RXRA: variants seen among roughly 807,000 people sequenced by gnomAD.
RXRA encodes the protein retinoid X receptor alpha, also known as retinoic acid receptor RXR-alpha.
RXRA carries 5 observed loss-of-function variants against 44.5 expected under a neutral mutation model. The ratio of observed to expected loss-of-function variants is 0.11; its 90% confidence interval spans 0.06 to 0.24. RXRA has a LOEUF of 0.24. RXRA is among the 10% of genes least tolerant of loss of function. RXRA has a pLI of 1.00. For missense variants in RXRA, 412 were observed against 646.5 expected (o/e 0.64, Z 3.93); for synonymous variants, 291 against 271.4 (o/e 1.07, Z -0.71).
chr9:134,385,070 C>T (rs947584236), intron 1 of RXRA, among the ~76,000 whole-genome samples: 25 of 152,320 alleles, frequency 1.6e-4, no homozygotes, highest in African/African-American at 4.6e-4. Flanking sequence ...GCTACCCCTG[C>T]GCAGCCTTCC....
In RXRA at chr9:134,406,989, T is replaced by C. The variant is rs376817146; in HGVS notation, c.280-1160T>C. 3.3e-5 allele frequency among the ~76,000 whole-genome samples: 5 copies of C among 152,306 alleles called. No homozygotes were observed. The East Asian group carries it at 5.8e-4, about 18-fold the overall frequency. On this transcript the variant is annotated intron_variant, in intron 2 of 9. Transcript: ENST00000481739. Reference sequence around the variant, plus strand: ...ACCCGCTTCTCCAGTGGGAGCTTCATGGCACCCCCACTGTGCTGAGTTGTC... The same window carrying C: ...ACCCGCTTCTCCAGTGGGAGCTTCACGGCACCCCCACTGTGCTGAGTTGTC...
intron 6 of RXRA, chr9:134,422,171 C>T (rs1414019706): frequency 7.7e-7 from 1 of 1,293,950 alleles, no homozygotes; most frequent in Non-Finnish European, 1.0e-6. Flanking sequence ...GACACACTTC[C>T]CCCTCCTGGG....
At chr9:134,429,893 T>C (rs1428443078) in intron 7 of RXRA, among the ~76,000 whole-genome samples, 2 of 145,964 alleles carry the variant, frequency 1.4e-5, no homozygotes, top group Non-Finnish European at 3.0e-5. Flanking sequence ...CTGCACAGCC[T>C]TTTTTTTTTT....
chr9:134,434,234 C>T, intron 9 of RXRA, 27 bp downstream of exon 9: 1 of 1,535,056 alleles, frequency 6.5e-7, no homozygotes, highest in Non-Finnish European at 9.0e-7. Context: ...CCCACACACA[C>T]CCCAGACCCA....
At chr9:134,392,122 A>G (rs766690164) in intron 1 of RXRA, among the ~76,000 whole-genome samples, 80 of 152,160 alleles carry the variant, frequency 5.3e-4, no homozygotes, top group Non-Finnish European at 9.4e-4. Context: ...TCCATTTTGC[A>G]GAGGGGGAGG....
intron 1 of RXRA, among the ~76,000 whole-genome samples, chr9:134,333,655 G>GC (rs1256303804): frequency 1.3e-5 from 2 of 152,208 alleles, no homozygotes; most frequent in African/African-American, 4.8e-5. Context: ...GCTTCCTGGT[G>GC]CTGCAGCCCA....
chr9:134,408,980 C>A lies in RXRA; in HGVS notation c.471C>A (p.Gly157=). 6.2e-7 allele frequency: 1 copy of A among 1,607,192 alleles called. No homozygotes were observed. The highest frequency in any genetic ancestry group is 8.5e-7 in the Non-Finnish European group (1 of 1,176,652). The change falls in exon 4 of 10, where the codon GGC becomes GGA. Residue 157 remains glycine, a synonymous_variant. Transcript: ENST00000481739. ...YGVYSCEGCK[G]FFKRTVRKDL... is the part of the protein sequence containing the mutation. ...TGTACAGCTGCGAGGGGTGCAAGGG[C>A]TTCTTCAAGCGGACGGTGCGCAAGG...
At position 134,365,474 on chromosome 9, in the gene RXRA, A is replaced by T. The variant is rs1588266555; in HGVS notation, c.29-36158A>T. On this transcript the variant is annotated intron_variant, in intron 1 of 9. Coordinates refer to ENST00000481739, the MANE Select transcript of RXRA (RefSeq NM_002957.6). This position sits in a 1 kb window ranked among gnomAD's most constrained non-coding sequence, Gnocchi z 4.0. ...TCTTGGCTGATGTGTGGGTTTGCTC[A>T]TGGGGTGGACCAGGCCGCTGCCCCT... 6.6e-6 allele frequency among the ~76,000 whole-genome samples: 1 copy of T among 152,044 alleles called. No individual in the cohort carries two copies. The highest frequency in any genetic ancestry group is 1.9e-4 in the East Asian group (1 of 5,174).
chr9:134,333,469 G>A lies in RXRA; in HGVS notation c.28+6810G>A, dbSNP rs1386434295. 3.3e-5 allele frequency among the ~76,000 whole-genome samples: 5 copies of A among 152,234 alleles called. No individual in the cohort carries two copies. In the South Asian group the frequency reaches 6.2e-4, roughly 19 times the overall value. On this transcript the variant is annotated intron_variant, in intron 1 of 9. Coordinates refer to ENST00000481739, the MANE Select transcript of RXRA (RefSeq NM_002957.6). Reference sequence around the variant, plus strand: ...AGGGCTGGGGGTGATGGGTGTCGGCGCAGACTGCTGCCGTGCGTGCGGGGT... The same window carrying A: ...AGGGCTGGGGGTGATGGGTGTCGGCACAGACTGCTGCCGTGCGTGCGGGGT...
At chr9:134,389,280 C>G (rs549635394) in intron 1 of RXRA, among the ~76,000 whole-genome samples, 32 of 152,338 alleles carry the variant, frequency 2.1e-4, no homozygotes, top group East Asian at 1.4e-3. Context: ...CACGTGGGCG[C>G]TGGCTTTGGT....
In RXRA at chr9:134,426,723, G is replaced by A. The variant is rs1365737723; in HGVS notation, c.911-2385G>A. On this transcript the variant is annotated intron_variant, in intron 6 of 9. Transcript: ENST00000481739. This position sits in a 1 kb window ranked among gnomAD's most constrained non-coding sequence, Gnocchi z 4.6. ...GGCAGTGGGAGGGGAGGTGGCCACT[G>A]CTCAGGTAAACCCCCAGGCCTGCAG... The A allele has an allele frequency of 2.0e-6, 2 of 985,290 alleles. No homozygotes were observed. Among genetic ancestry groups the A allele is most frequent in the Non-Finnish European group, 2.4e-6 (2 of 829,920 alleles). The allele number at this position is 985,290 out of a possible 1,614,324, so 61.0% of individuals were successfully genotyped here.
intron 1 of RXRA, chr9:134,380,049 A>T: frequency 1.0e-6 from 1 of 985,348 alleles, no homozygotes; most frequent in Non-Finnish European, 1.2e-6. Flanking sequence ...CTGCCTGAGC[A>T]CAATCTTCCT....
At chr9:134,351,174 G>T (rs1588258113) in intron 1 of RXRA, among the ~76,000 whole-genome samples, 1 of 152,228 alleles carries the variant, frequency 6.6e-6, no homozygotes, top group Non-Finnish European at 1.5e-5. Context: ...TCCCACACAG[G>T]CCAGGCTTGG....
At position 134,437,865 on chromosome 9, in the gene RXRA, G is replaced by A. The variant is rs1831651638; in HGVS notation, c.*1251G>A. The A allele has an allele frequency of 6.6e-6, 1 of 152,214 alleles. No individual in the cohort carries two copies. The highest frequency in any genetic ancestry group is 6.5e-5 in the Admixed American group (1 of 15,286). The allele number at this position is 152,214 out of a possible 1,614,324, so 9.4% of individuals were successfully genotyped here. On this transcript the variant is annotated 3_prime_UTR_variant, in exon 10 of 10. Coordinates refer to ENST00000481739, the MANE Select transcript of RXRA (RefSeq NM_002957.6). ...CCCAGCCTGGTATTGTCCACGGACA[G>A]CGTTGTTCACCCAGAGCCTTACTTG... is the stretch of plus-strand genomic sequence containing the variant.
In RXRA at chr9:134,440,415, C is replaced by G. The variant is rs1831714404; in HGVS notation, c.*3801C>G. On this transcript the variant is annotated 3_prime_UTR_variant, in exon 10 of 10. Transcript: ENST00000481739. Reference sequence around the variant, plus strand: ...GTTGCCGGCTCTGGCCTTCCTGTGACTGACTGTGAAGTGGCTTCTCCGTAC... The same window carrying G: ...GTTGCCGGCTCTGGCCTTCCTGTGAGTGACTGTGAAGTGGCTTCTCCGTAC... 6.6e-6 allele frequency: 1 copy of G among 152,590 alleles called. No homozygotes were observed. The highest frequency in any genetic ancestry group is 2.4e-5 in the African/African-American group (1 of 41,446). 9.5% of individuals were successfully genotyped at this position (152,590 alleles called of 1,614,324 possible).
rs370094299 is a variant in RXRA, at chr9:134,339,815, CTGTG to C, written c.28+13171_28+13174del. 3.6e-3 allele frequency among the ~76,000 whole-genome samples: 486 copies of C among 136,762 alleles called. 2 individuals carry two copies. Among genetic ancestry groups the C allele is most frequent in the Middle Eastern group, 8.2e-3 (2 of 244 alleles). The allele number at this position is 136,762 out of a possible 152,430, so 89.7% of individuals were successfully genotyped here. On this transcript the variant is annotated intron_variant, in intron 1 of 9. Transcript: ENST00000481739. ...TGTGTATGAGTCTGTGTGTAAGCCT[CTGTG>C]TGTGTGTGTGTGTGAGTCTGTGTGT...
intron 1 of RXRA, among the ~76,000 whole-genome samples, chr9:134,334,413 C>A (rs1564258057): frequency 1.3e-5 from 2 of 152,268 alleles, no homozygotes. Context: ...TCCTGGTTTC[C>A]TGTCAACCCA....
rs1421630708 is a variant in RXRA at position 134,437,514 on chromosome 9, C to G, written c.*900C>G. 3.9e-5 allele frequency: 6 copies of G among 152,392 alleles called. No individual in the cohort carries two copies. Among genetic ancestry groups the G allele is most frequent in the African/African-American group, 1.4e-4 (6 of 41,458 alleles). The allele number at this position is 152,392 out of a possible 1,614,324, so 9.4% of individuals were successfully genotyped here. Reference sequence around the variant, plus strand: ...CTGGCTCGGGCAGGGTGGGGCATCACCACCTCACTGGCCTTGCTGGAGGCA... The same window carrying G: ...CTGGCTCGGGCAGGGTGGGGCATCAGCACCTCACTGGCCTTGCTGGAGGCA... On this transcript the variant is annotated 3_prime_UTR_variant, in exon 10 of 10. Transcript: ENST00000481739.
chr9:134,406,772 A>G (rs1436595926), intron 2 of RXRA, among the ~76,000 whole-genome samples: 1 of 152,244 alleles, frequency 6.6e-6, no homozygotes, highest in Admixed American at 6.5e-5. Context: ...CCTGAGCCGC[A>G]GCCTCTGCAT....
Sources: gnomAD v4.1 joint callset for allele counts (sites outside exome capture counted in the v4.1 genomes callset) on GRCh38, gnomAD v4.1.1 for gene constraint, Gnocchi (gnomAD v3.1) non-coding constraint, MANE v1.5 for transcripts, NCBI Gene and HGNC (gene_info 2026-07-23, HGNC 2026-07-21) for gene names.